The following XG variants were observed in gnomAD, a reference collection of about 807,000 sequenced individuals.
XG encodes the protein Xg glycoprotein (Xg blood group), also known as glycoprotein Xg.
Under a neutral mutation model 25.7 loss-of-function variants are expected in XG, and 24 were observed. The observed-to-expected ratio is 0.93, with a 90% CI of 0.68 to 1.31. XG has a LOEUF of 1.31. Ranked by LOEUF, XG falls within the 40% of genes most tolerant of loss-of-function variation. XG has a pLI of 0.00. For synonymous variants in XG, 77 were observed against 69.2 expected, an observed-to-expected ratio of 1.11 and a Z score of -0.56; for missense variants, 181 against 187.6, an observed-to-expected ratio of 0.96 and a Z score of 0.21.
At position 2,759,792 on chromosome X, in the gene XG, T is replaced by A. The variant is rs1202258632; in HGVS notation, c.61+7457T>A. Among the ~76,000 whole-genome samples, 5 of 152,236 alleles carry A rather than the reference T, an allele frequency of 3.3e-5. No homozygotes were observed. The South Asian group carries it at 6.2e-4, about 19-fold the overall frequency. On this transcript the variant is annotated intron_variant, in intron 1 of 10. Coordinates refer to ENST00000644266, the MANE Select transcript of XG (RefSeq NM_001141919.2). Reference sequence around the variant, plus strand: ...GGGGGTAGAAAAGTGGGGTTCTGCCTGCAGGTGGGGCTCTGCCAGACACGG... The same window carrying A: ...GGGGGTAGAAAAGTGGGGTTCTGCCAGCAGGTGGGGCTCTGCCAGACACGG...
In XG at chrX:2,754,276, T is replaced by C. The variant is rs1322735327; in HGVS notation, c.61+1941T>C. Among the ~76,000 whole-genome samples the C allele has an allele frequency of 2.6e-5, 4 of 152,236 alleles. No homozygotes were observed. In the South Asian group the frequency reaches 8.3e-4, roughly 32 times the overall value. ...GCTGTGCCTGACTAGTTTTTAAAACTTTTTGTAGAGACGGGATCTCACTAT... is the reference window on the plus strand; with the variant it reads ...GCTGTGCCTGACTAGTTTTTAAAACCTTTTGTAGAGACGGGATCTCACTAT... On this transcript the variant is annotated intron_variant, in intron 1 of 10. Coordinates refer to ENST00000644266, the MANE Select transcript of XG (RefSeq NM_001141919.2).
rs61601632 is a variant in XG at position 2,787,907 on chromosome X, CAAA to C, written c.191-1720_191-1718del. On this transcript the variant is annotated intron_variant, in intron 4 of 10. Transcript: ENST00000644266. ...GGGCAACAACAGCAAAACTCCTTCT[CAAA>C]AAAAAAAAAAAAAAAAGAGAGTCTA... Among the ~76,000 whole-genome samples, 295 of 50,758 alleles carry C rather than the reference CAAA, an allele frequency of 5.8e-3. 4 individuals carry two copies. Among genetic ancestry groups the C allele is most frequent in the African/African-American group, 0.019 (288 of 14,936 alleles). 44.1% of individuals were successfully genotyped at this position (50,758 alleles called of 115,157 possible).
At chrX:2,772,336 A>G (rs898415636) in intron 2 of XG, among the ~76,000 whole-genome samples, 1 of 152,186 alleles carries the variant, frequency 6.6e-6, no homozygotes, top group African/African-American at 2.4e-5. Flanking sequence ...CAGGGGATGA[A>G]TGAATGAACA....
intron 1 of XG, among the ~76,000 whole-genome samples, chrX:2,764,957 C>A (rs2050643586): frequency 6.9e-6 from 1 of 144,928 alleles, no homozygotes; most frequent in South Asian, 2.2e-4. Context: ...ACTAGAAGCG[C>A]TCGAACCAGG....
At chrX:2,783,844 A>T (rs2086757056) in intron 4 of XG, among the ~76,000 whole-genome samples, 1 of 111,742 alleles carries the variant, frequency 8.9e-6, no homozygotes, top group Non-Finnish European at 1.9e-5. Flanking sequence ...GCATGGTGGC[A>T]TGCGCCTATA....
chrX:2,783,996 C>A (rs1490735970), intron 4 of XG, among the ~76,000 whole-genome samples: 3 of 109,496 alleles, frequency 2.7e-5, no homozygotes, highest in African/African-American at 1.0e-4. Flanking sequence ...CAAACCAAAC[C>A]AAACCAAACA....
intron 1 of XG, among the ~76,000 whole-genome samples, chrX:2,762,234 G>A (rs1403915581): frequency 7.2e-5 from 11 of 152,224 alleles, no homozygotes; most frequent in Non-Finnish European, 1.2e-4. Flanking sequence ...AAAATACTTC[G>A]ATCTCTGCAG....
intron 1 of XG, among the ~76,000 whole-genome samples, chrX:2,764,627 CT>C (rs1220076375): frequency 4.4e-4 from 67 of 152,108 alleles, no homozygotes; most frequent in Non-Finnish European, 1.8e-4. Context: ...CTTCCTCAAG[CT>C]GAGGAGGGCT....
At chrX:2,761,386 A>G (rs1425962010) in intron 1 of XG, among the ~76,000 whole-genome samples, 1 of 151,532 alleles carries the variant, frequency 6.6e-6, no homozygotes, top group Non-Finnish European at 1.5e-5. Flanking sequence ...AGCCTCCAGG[A>G]CTGTGGGAGA....
chrX:2,804,330 G>A (rs1360468663), intron 7 of XG, among the ~76,000 whole-genome samples: 5 of 110,250 alleles, frequency 4.5e-5, no homozygotes, highest in Non-Finnish European at 7.6e-5. Context: ...ACAGCTTAAG[G>A]GTTAGAAGCA....
At chrX:2,784,004 A>AC (rs1179456930) in intron 4 of XG, among the ~76,000 whole-genome samples, 55 of 110,669 alleles carry the variant, frequency 5.0e-4, no homozygotes, top group African/African-American at 1.2e-3. Flanking sequence ...ACCAAACCAA[A>AC]CAAAACAAAA....
At chrX:2,767,062 C>T (rs2050715617) in intron 1 of XG, among the ~76,000 whole-genome samples, 1 of 141,142 alleles carries the variant, frequency 7.1e-6, no homozygotes, top group Non-Finnish European at 1.6e-5. Context: ...GAAACTTCTG[C>T]TTCTGAGGCT....
intron 2 of XG, among the ~76,000 whole-genome samples, chrX:2,773,848 A>AAGGAAGAAGGGAGGGC (rs1458213177): frequency 3.8e-4 from 57 of 150,580 alleles, no homozygotes; most frequent in African/African-American, 1.3e-3. Context: ...AGAAGGAAGG[A>AAGGAAGAAGGGAGGGC]AGGAAGAAGG....
chrX:2,762,983 C>T (rs1194594195), intron 1 of XG, among the ~76,000 whole-genome samples: 1 of 152,126 alleles, frequency 6.6e-6, no homozygotes, highest in East Asian at 1.9e-4. Flanking sequence ...GAAGTTAGAG[C>T]CTCAATATGT....
intron 1 of XG, among the ~76,000 whole-genome samples, chrX:2,768,446 C>T (rs1047823639): frequency 4.6e-5 from 7 of 152,170 alleles, no homozygotes; most frequent in African/African-American, 1.7e-4. Context: ...CCAGCCCAGT[C>T]TGAGCAGCTT....
intron 5 of XG, 56 bp downstream of exon 5, chrX:2,789,762 A>C: frequency 1.6e-6 from 1 of 606,548 alleles, no homozygotes; most frequent in Non-Finnish European, 2.2e-6. Flanking sequence ...TTATTTTACT[A>C]TTTTATTTGA....
intron 8 of XG, 138 bp downstream of exon 8, chrX:2,806,883 A>C (rs2087002692): frequency 2.0e-6 from 1 of 509,865 alleles, no homozygotes; most frequent in African/African-American, 2.5e-5. Flanking sequence ...TCTCATTTGC[A>C]TTTTCCTTGG....
chrX:2,756,329 G>A (rs186034490), intron 1 of XG, among the ~76,000 whole-genome samples: 16 of 150,360 alleles, frequency 1.1e-4, no homozygotes, highest in Admixed American at 5.9e-4. Flanking sequence ...CATTTATTGA[G>A]GGGAAAAAAA....
intron 9 of XG, among the ~76,000 whole-genome samples, chrX:2,809,526 A>G (rs2087034466): frequency 8.9e-6 from 1 of 112,204 alleles, no homozygotes; most frequent in Admixed American, 9.4e-5. Context: ...TACTTGATTG[A>G]TTTGTAAGAG....
Sources: gnomAD v4.1 joint callset for allele counts (sites outside exome capture counted in the v4.1 genomes callset) on GRCh38, gnomAD v4.1.1 for gene constraint, MANE v1.5 for transcripts, NCBI Gene and HGNC (gene_info 2026-07-23, HGNC 2026-07-21) for gene names.